The following ACMSD variants were observed in gnomAD, a reference collection of about 807,000 sequenced individuals.
The protein encoded by ACMSD is 2-amino-3-carboxymuconate-6-semialdehyde decarboxylase.
A neutral mutation model predicts 45.9 loss-of-function variants in ACMSD; 37 were observed. That is an observed-to-expected ratio of 0.81 (90% CI 0.62 to 1.06). The LOEUF (loss-of-function observed/expected upper bound fraction) is 1.06. Among genes scored for constraint, ACMSD ranks in the 50% least tolerant of loss-of-function variants. ACMSD has a pLI of 0.00. For missense variants in ACMSD, 434 were observed against 420.9 expected, an observed-to-expected ratio of 1.03 and a Z score of -0.27; for synonymous variants, 138 against 148.8, an observed-to-expected ratio of 0.93 and a Z score of 0.53.
In ACMSD at chr2:134,861,961, A is replaced by G; in HGVS notation, c.200-8A>G. On this transcript the variant is annotated splice_polypyrimidine_tract_variant and splice_region_variant and intron_variant, in intron 3 of 9. Transcript: ENST00000356140. The stretch of plus-strand genomic sequence containing the variant: ...ACCAGCTTTGCCCTTCTTTGTGTCC[A>G]TGTCTAGGAGTAACAGTGCAAGCCC... 2 of 1,614,106 alleles carry G rather than the reference A, an allele frequency of 1.2e-6. No homozygotes were observed. Among genetic ancestry groups the G allele is most frequent in the Non-Finnish European group, 1.7e-6 (2 of 1,180,022 alleles).
chr2:134,869,218 A>ATTTG (rs1287952271), intron 6 of ACMSD, among the ~76,000 whole-genome samples: 5 of 151,416 alleles, frequency 3.3e-5, no homozygotes, highest in Non-Finnish European at 7.4e-5. Context: ...TTATTTATTT[A>ATTTG]TTTATTTATT....
Position 134,867,639 on chromosome 2 carries a change from C to T in ACMSD, c.547C>T (p.Arg183Ter), listed in dbSNP as rs370807501. 29 of 1,613,514 alleles carry T rather than the reference C, an allele frequency of 1.8e-5. No homozygotes were observed. Among genetic ancestry groups the T allele is most frequent in the East Asian group, 4.5e-5 (2 of 44,864 alleles). ...VHPWDMQMDGRMAKYWLPWLV... is the reference protein window; with the variant it reads ...VHPWDMQMDG ...TCCCTGGGACATGCAGATGGATGGA[C>T]GAATGGCCAAATACTGGCTCCCTTG... Residue 183 changes from arginine (R) to a stop codon, truncating the protein, a stop_gained, in exon 6 of 10, where the codon CGA becomes TGA. Transcript: ENST00000356140. LOFTEE classifies it high-confidence loss of function.
chr2:134,881,758 T>C (rs1008187394), intron 8 of ACMSD, among the ~76,000 whole-genome samples: 28 of 152,122 alleles, frequency 1.8e-4, no homozygotes, highest in African/African-American at 6.8e-4. Context: ...GAGGCCGAGA[T>C]GGGAGGATCA....
chr2:134,872,479 C>A lies in ACMSD; in HGVS notation c.687C>A (p.Phe229Leu). The A allele has an allele frequency of 6.2e-7, 1 of 1,614,154 alleles. No individual in the cohort carries two copies. The highest frequency in any genetic ancestry group is 8.5e-7 in the Non-Finnish European group (1 of 1,180,026). ...GGGTTTTACTTGCAGGTGGTGCCTT[C>A]CCCTTCACAGTGGGAAGAATCTCCC... ...KVCFAHGGGAFPFTVGRISHG... is the reference protein window; with the variant it reads ...KVCFAHGGGALPFTVGRISHG... Residue 229 changes from phenylalanine to leucine, a missense_variant, in exon 8 of 10, where the codon TTC becomes TTA. Physicochemically the swap from Phe to Leu is conservative, Grantham distance 22. Coordinates refer to ENST00000356140, the MANE Select transcript of ACMSD (RefSeq NM_138326.3).
At chr2:134,839,506 AT>A (rs2104800146) in intron 1 of ACMSD, among the ~76,000 whole-genome samples, 2 of 152,352 alleles carry the variant, frequency 1.3e-5, no homozygotes, top group Admixed American at 1.3e-4. Flanking sequence ...GTTTTACCCA[AT>A]CTTCAGCATT....
chr2:134,863,193 C>A, intron 4 of ACMSD: 1 of 504,076 alleles, frequency 2.0e-6, no homozygotes, highest in Non-Finnish European at 2.6e-6. Flanking sequence ...AGCAATATAC[C>A]TGCAGTTTTC....
chr2:134,885,287 ATATTTAT>A lies in ACMSD; in HGVS notation c.849+12647_849+12653del, dbSNP rs1689285295. The stretch of plus-strand genomic sequence containing the variant: ...TATATAAATATATATATTATATATT[ATATTTAT>A]ATATATATTTAAATATATATATATA... On this transcript the variant is annotated intron_variant, in intron 8 of 9. Transcript: ENST00000356140. Among the ~76,000 whole-genome samples, 26 of 55,648 alleles carry A rather than the reference ATATTTAT, an allele frequency of 4.7e-4. No homozygotes were observed. The East Asian group carries it at 6.0e-3, about 13-fold the overall frequency. 36.5% of individuals were successfully genotyped at this position (55,648 alleles called of 152,430 possible).
At chr2:134,871,534 T>TA (rs1559054984) in intron 7 of ACMSD, among the ~76,000 whole-genome samples, 1 of 152,002 alleles carries the variant, frequency 6.6e-6, no homozygotes, top group African/African-American at 2.4e-5. Flanking sequence ...CTGTTTTTTT[T>TA]ATTTAAATCC....
At chr2:134,860,962 T>C (rs1200104067) in intron 3 of ACMSD, among the ~76,000 whole-genome samples, 1 of 151,736 alleles carries the variant, frequency 6.6e-6, no homozygotes, top group Non-Finnish European at 1.5e-5. Context: ...CCCAGGAGTT[T>C]GAGGCTGCAG....
At chr2:134,859,185 G>A (rs1391375002) in intron 2 of ACMSD, 76 bp from the exon 3 acceptor site, 15 of 1,187,666 alleles carry the variant, frequency 1.3e-5, no homozygotes, top group Non-Finnish European at 1.6e-5. Flanking sequence ...GAAGAAATAC[G>A]TTCTAAAGCA....
At chr2:134,867,291 T>C (rs1412510782) in intron 5 of ACMSD, 5 of 213,696 alleles carry the variant, frequency 2.3e-5, no homozygotes, top group Non-Finnish European at 3.7e-5. Flanking sequence ...ATTTGAATGA[T>C]GGATATTTCC....
At chr2:134,867,790 TAGC>T (rs1553512695) in intron 6 of ACMSD, 118 bp downstream of exon 6, 2 of 724,978 alleles carry the variant, frequency 2.8e-6, no homozygotes, top group Non-Finnish European at 4.6e-6. Flanking sequence ...TTATGAGTAA[TAGC>T]AGCTATCACT....
intron 8 of ACMSD, among the ~76,000 whole-genome samples, chr2:134,881,149 A>G (rs1559061660): frequency 6.6e-6 from 1 of 152,104 alleles, no homozygotes; most frequent in African/African-American, 2.4e-5. Flanking sequence ...TACAGGCATG[A>G]GCCAGAACAC....
intron 1 of ACMSD, among the ~76,000 whole-genome samples, chr2:134,840,195 C>CAAAA (rs1686738713): frequency 7.8e-5 from 3 of 38,386 alleles, no homozygotes; most frequent in African/African-American, 2.5e-4. Flanking sequence ...AAAAAAAAAC[C>CAAAA]ACTAATTCCT....
chr2:134,844,147 G>GGTA, intron 1 of ACMSD, among the ~76,000 whole-genome samples: 1 of 152,194 alleles, frequency 6.6e-6, no homozygotes, highest in Non-Finnish European at 1.5e-5. Flanking sequence ...ATAGTTATTT[G>GGTA]AGTCATACTT....
At position 134,841,743 on chromosome 2, in the gene ACMSD, G is replaced by A. The variant is rs3739031; in HGVS notation, c.57+3004G>A. ...AGGCCTTACTGACAACCTACTGTCT[G>A]CCCAATAGTAGGGCTTGCAAAGATT... is the stretch of plus-strand genomic sequence containing the variant. On this transcript the variant is annotated intron_variant, in intron 1 of 9. Coordinates refer to ENST00000356140, the MANE Select transcript of ACMSD (RefSeq NM_138326.3). Among the ~76,000 whole-genome samples, 3,460 of 152,292 alleles carry A rather than the reference G, an allele frequency of 0.023. 230 individuals carry two copies. In the East Asian group the frequency reaches 0.28, roughly 12 times the overall value.
At chr2:134,850,548 G>T (rs962332815) in intron 2 of ACMSD, among the ~76,000 whole-genome samples, 1 of 152,184 alleles carries the variant, frequency 6.6e-6, no homozygotes, top group Non-Finnish European at 1.5e-5. Flanking sequence ...GATTATAGGC[G>T]TGAGCCAACA....
At chr2:134,873,242 T>C (rs749674851) in intron 8 of ACMSD, 1 of 153,524 alleles carries the variant, frequency 6.5e-6, no homozygotes, top group South Asian at 2.0e-4. Flanking sequence ...AACACCAGCA[T>C]AGTGGTACTT....
chr2:134,858,372 G>A (rs998007294), intron 2 of ACMSD, among the ~76,000 whole-genome samples: 3 of 152,212 alleles, frequency 2.0e-5, no homozygotes, highest in South Asian at 2.1e-4. Context: ...AGGCTGAAGG[G>A]GTGGGGAGAG....
Sources: allele counts gnomAD v4.1 joint callset (sites outside exome capture counted in the v4.1 genomes callset), GRCh38; gene constraint gnomAD v4.1.1; transcripts MANE v1.5; gene names NCBI Gene and HGNC (gene_info 2026-07-23, HGNC 2026-07-21).